The following ESPL1 variants were observed in gnomAD, a reference collection of about 807,000 sequenced individuals.
ESPL1 encodes the protein extra spindle pole bodies like 1, separase.
In ESPL1, 50 loss-of-function variants were observed where a neutral mutation model predicts 217.2. That is an observed-to-expected ratio of 0.23 (90% CI 0.18 to 0.29). The LOEUF is 0.29. Ranked by LOEUF, ESPL1 falls within the 10% of genes least tolerant of loss-of-function variation. The probability of loss-of-function intolerance (pLI) is 1.00; values close to 1 mark genes in which losing one functional copy is unlikely to be tolerated. For missense variants in ESPL1, 1,834 were observed against 2,603.0 expected, an observed-to-expected ratio of 0.70 and a Z score of 6.43; for synonymous variants, 994 against 1,081.3, an observed-to-expected ratio of 0.92 and a Z score of 1.58.
chr12:53,273,836 G>GTTTTTTTTTTT (rs71096001), intron 6 of ESPL1, among the ~76,000 whole-genome samples: 7 of 63,168 alleles, frequency 1.1e-4, no homozygotes, highest in African/African-American at 3.9e-4. Flanking sequence ...TGGTTTTTTG[G>GTTTTTTTTTTT]TTTTTTTTTT....
intron 6 of ESPL1, chr12:53,274,528 TACTC>T (rs1943731063): frequency 3.6e-6 from 1 of 280,776 alleles, no homozygotes; most frequent in East Asian, 1.0e-4. Context: ...CCACATTTCT[TACTC>T]AGGAGAAGGC....
At chr12:53,285,498 G>A (rs1438535024) in intron 17 of ESPL1, among the ~76,000 whole-genome samples, 1 of 152,168 alleles carries the variant, frequency 6.6e-6, no homozygotes, top group Non-Finnish European at 1.5e-5. Flanking sequence ...CACAAGGTCA[G>A]GAGATCGAGA....
In ESPL1 at chr12:53,282,711, T is replaced by G. The variant is rs1943884623; in HGVS notation, c.2791+276T>G. 6.6e-6 allele frequency among the ~76,000 whole-genome samples: 1 copy of G among 152,178 alleles called. No homozygotes were observed. The highest frequency in any genetic ancestry group is 2.1e-4 in the South Asian group (1 of 4,830). ...TGTTGTCACCCAGGCTGGAGTGCAATGGTGCAATCTCAGCTCACTGCAACC... is the reference window on the plus strand; with the variant it reads ...TGTTGTCACCCAGGCTGGAGTGCAAGGGTGCAATCTCAGCTCACTGCAACC... On this transcript the variant is annotated intron_variant, in intron 14 of 30. Coordinates refer to ENST00000257934, the MANE Select transcript of ESPL1 (RefSeq NM_012291.5). This position sits in a 1 kb window ranked among gnomAD's most constrained non-coding sequence, Gnocchi z 4.0.
chr12:53,290,051 A>G (rs1174820430), intron 22 of ESPL1, 34 bp from the exon 23 acceptor site: 2 of 1,601,086 alleles, frequency 1.2e-6, no homozygotes, highest in East Asian at 2.2e-5. Context: ...TTCCTTTAAC[A>G]GCTGAATGAG....
rs112102114 is a variant in ESPL1, at chr12:53,282,001, T to A, written c.2620-263T>A. On this transcript the variant is annotated intron_variant, in intron 13 of 30. Coordinates refer to ENST00000257934, the MANE Select transcript of ESPL1 (RefSeq NM_012291.5). This position sits in a 1 kb window ranked among gnomAD's most constrained non-coding sequence, Gnocchi z 4.0. ...TCTTCTACCTTCTCATGCTCTAGTT[T>A]CTTCTCTACGTTTTTATCATTCCTA... 6.6e-6 allele frequency among the ~76,000 whole-genome samples: 1 copy of A among 152,298 alleles called. No individual in the cohort carries two copies. The highest frequency in any genetic ancestry group is 2.4e-5 in the African/African-American group (1 of 41,548).
chr12:53,287,772 C>T, intron 18 of ESPL1, 200 bp from the exon 19 acceptor site: 1 of 520,534 alleles, frequency 1.9e-6, no homozygotes, highest in Non-Finnish European at 3.4e-6. Context: ...CTTCTGTTCC[C>T]TCATTTTCTC....
In ESPL1 at chr12:53,281,424, C is replaced by T. The variant is rs554790444; in HGVS notation, c.2500-83C>T. The T allele has an allele frequency of 4.9e-6, 7 of 1,431,364 alleles. No homozygotes were observed. The African/African-American group carries it at 8.5e-5, about 17-fold the overall frequency. The allele number at this position is 1,431,364 out of a possible 1,614,324, so 88.7% of individuals were successfully genotyped here. On this transcript the variant is annotated intron_variant, in intron 12 of 30. Coordinates refer to ENST00000257934, the MANE Select transcript of ESPL1 (RefSeq NM_012291.5). The stretch of plus-strand genomic sequence containing the variant: ...AAAGTGCTGGGATTACAGGTGTGAG[C>T]CACATGGCCACCCTTATTTACTCCA...
At chr12:53,287,022 G>C (rs1943960111) in intron 18 of ESPL1, 110 bp downstream of exon 18, 1 of 1,108,490 alleles carries the variant, frequency 9.0e-7, no homozygotes, top group East Asian at 2.4e-5. Flanking sequence ...CCAGGGCCTA[G>C]TGGAACTTTA....
rs1432512696 is a variant in ESPL1 at position 53,288,211 on chromosome 12, G to T, written c.4416G>T (p.Gln1472His). ...ASRHCEERRP[Q>H]RASDQARPGP... is the part of the protein sequence containing the mutation. ...GACATTGTGAGGAGCGGCGTCCCCA[G>T]AGGGCCAGTGACCAGGCCAGGCCTG... The change falls in exon 19 of 31, where the codon CAG becomes CAT. Residue 1472 changes from glutamine to histidine, a missense_variant. Gln to His is a conservative substitution (Grantham distance 24). Around this residue, in one of 5 missense-constraint regions of ESPL1, gnomAD observed 681 missense variants for 808.0 expected, o/e 0.84. Transcript: ENST00000257934. 3.2e-5 allele frequency: 52 copies of T among 1,610,792 alleles called. No homozygotes were observed. The highest frequency in any genetic ancestry group is 3.9e-5 in the Non-Finnish European group (46 of 1,179,018).
intron 5 of ESPL1, among the ~76,000 whole-genome samples, 168 bp from the exon 6 acceptor site, chr12:53,272,553 G>A (rs1225680003): frequency 6.6e-6 from 1 of 152,110 alleles, no homozygotes; most frequent in Non-Finnish European, 1.5e-5. Context: ...GCCTATTTGG[G>A]GCAGGAAGGG....
intron 5 of ESPL1, among the ~76,000 whole-genome samples, chr12:53,271,960 G>A (rs980888225): frequency 1.3e-5 from 2 of 151,904 alleles, no homozygotes; most frequent in East Asian, 1.9e-4. Flanking sequence ...GGTGGCAGGC[G>A]CCTGTACTCC....
chr12:53,273,540 C>T (rs1943712500), intron 6 of ESPL1, among the ~76,000 whole-genome samples: 1 of 151,390 alleles, frequency 6.6e-6, no homozygotes. Context: ...AGGTGGATCA[C>T]CTGAGGTCTG....
chr12:53,273,836 G>GTTTTTTTTTTTTTTTTTTTTTTTTTTT (rs71096001), intron 6 of ESPL1, among the ~76,000 whole-genome samples: 1 of 63,154 alleles, frequency 1.6e-5, no homozygotes, highest in African/African-American at 7.8e-5. Context: ...TGGTTTTTTG[G>GTTTTTTTTTTTTTTTTTTTTTTTTTTT]TTTTTTTTTT....
In ESPL1 at chr12:53,280,823, G is replaced by A. The variant is rs113470854; in HGVS notation, c.2500-684G>A. 1.0e-3 allele frequency among the ~76,000 whole-genome samples: 158 copies of A among 151,860 alleles called. 1 individual carries two copies. The highest frequency in any genetic ancestry group is 3.6e-3 in the African/African-American group (149 of 41,500). ...AGCCTGACCAACATGGAGAAACCCCGTCTCTACTAAAAATACAAAATTAGC... is the reference window on the plus strand; with the variant it reads ...AGCCTGACCAACATGGAGAAACCCCATCTCTACTAAAAATACAAAATTAGC... On this transcript the variant is annotated intron_variant, in intron 12 of 30. Transcript: ENST00000257934.
Position 53,288,560 on chromosome 12 carries a change from C to A in ESPL1, c.4569C>A (p.Gly1523=). The stretch of plus-strand genomic sequence containing the variant: ...CAGGTGGGAAGACTCCAGCTCCGGG[C>A]CCTGAGGCAGCTTCTGGAGAATGGG... ...SASGGKTPAP[G]PEAASGEWEL... The change falls in exon 20 of 31, where the codon GGC becomes GGA. Residue 1523 remains glycine (G), a synonymous_variant. Coordinates refer to ENST00000257934, the MANE Select transcript of ESPL1 (RefSeq NM_012291.5). 6.2e-7 allele frequency: 1 copy of A among 1,613,158 alleles called. No individual in the cohort carries two copies. Among genetic ancestry groups the A allele is most frequent in the South Asian group, 1.1e-5 (1 of 91,026 alleles).
Position 53,287,869 on chromosome 12 carries a change from T to C in ESPL1, c.4177-103T>C, listed in dbSNP as rs1165736552. 8 of 1,147,850 alleles carry C rather than the reference T, an allele frequency of 7.0e-6. No individual in the cohort carries two copies. In the East Asian group the frequency reaches 1.9e-4, roughly 27 times the overall value. 71.1% of individuals were successfully genotyped at this position (1,147,850 alleles called of 1,614,324 possible). ...TTAGTTCTGAAATCTTCCAGGGTCC[T>C]GTGTGATGGTGCCTGATGGTGCCTC... On this transcript the variant is annotated intron_variant, in intron 18 of 30. Transcript: ENST00000257934.
At chr12:53,276,344 G>A (rs934772440) in intron 7 of ESPL1, among the ~76,000 whole-genome samples, 1 of 152,218 alleles carries the variant, frequency 6.6e-6, no homozygotes, top group Non-Finnish European at 1.5e-5. Context: ...AGCGGTATAG[G>A]ATGGGGAACC....
intron 7 of ESPL1, among the ~76,000 whole-genome samples, chr12:53,275,458 C>T (rs1489356276): frequency 1.3e-5 from 2 of 151,904 alleles, no homozygotes; most frequent in Admixed American, 1.3e-4. Flanking sequence ...GAGACTCCAT[C>T]TCAAAAAAAA....
In ESPL1 at chr12:53,277,029, C is replaced by T. The variant is rs1045841733; in HGVS notation, c.1941-54C>T. 1.6e-5 allele frequency: 26 copies of T among 1,591,660 alleles called. No homozygotes were observed. The East Asian group carries it at 3.4e-4, about 21-fold the overall frequency. On this transcript the variant is annotated intron_variant, in intron 8 of 30. Coordinates refer to ENST00000257934, the MANE Select transcript of ESPL1 (RefSeq NM_012291.5). ...GTTCTGCAGCTAGCCCTTCCCAGGG[C>T]GCTATGGCAGATACTCATAGTAGGC... is the stretch of plus-strand genomic sequence containing the variant.
Sources: allele counts gnomAD v4.1 joint callset (sites outside exome capture counted in the v4.1 genomes callset), GRCh38; gene constraint gnomAD v4.1.1; regional missense constraint gnomAD v4.1.1; non-coding constraint Gnocchi (gnomAD v3.1); transcripts MANE v1.5; gene names NCBI Gene and HGNC (gene_info 2026-07-23, HGNC 2026-07-21).